GCM1: variants seen among roughly 807,000 people sequenced by gnomAD.
The protein encoded by GCM1 is chorion-specific transcription factor GCMa.
A neutral mutation model predicts 25.7 loss-of-function variants in GCM1; 2 were observed. The observed-to-expected ratio is 0.08, with a 90% CI of 0.03 to 0.24. The LOEUF (loss-of-function observed/expected upper bound fraction) is 0.24, where lower values mean the gene tolerates loss of function less well. Among genes scored for constraint, GCM1 ranks in the 10% least tolerant of loss-of-function variants. The probability of loss-of-function intolerance (pLI) is 1.00; values close to 1 mark genes in which losing one functional copy is unlikely to be tolerated. For missense variants in GCM1, 395 were observed against 538.7 expected (o/e 0.73, Z 2.64); for synonymous variants, 183 against 195.7 (o/e 0.94, Z 0.54).
intron 1 of GCM1, among the ~76,000 whole-genome samples, 154 bp from the exon 2 acceptor site, chr6:53,145,922 TA>T (rs1763948293): frequency 6.6e-6 from 1 of 152,148 alleles, no homozygotes; most frequent in Non-Finnish European, 1.5e-5. Flanking sequence ...TGATTTTACT[TA>T]AAACTTGGCC....
At position 53,129,337 on chromosome 6, in the gene GCM1, C is replaced by T. The variant is rs922332004; in HGVS notation, c.571-391G>A. On this transcript the variant is annotated intron_variant, in intron 5 of 5. Transcript: ENST00000259803. ...CCAGCCAGGCTGGAGCGCAGTGGCA[C>T]GATCTTGGCTCACTGCAACCTCTGC... is the stretch of plus-strand genomic sequence containing the variant. 1.7e-4 allele frequency among the ~76,000 whole-genome samples: 26 copies of T among 151,100 alleles called. No homozygotes were observed. In the East Asian group the frequency reaches 1.7e-3, roughly 10 times the overall value.
chr6:53,138,197 G>A (rs1408948309), intron 2 of GCM1, among the ~76,000 whole-genome samples: 9 of 149,858 alleles, frequency 6.0e-5, no homozygotes, highest in African/African-American at 2.2e-4. Flanking sequence ...CAAAAGAATC[G>A]CTTGAACCTG....
intron 2 of GCM1, among the ~76,000 whole-genome samples, chr6:53,141,753 T>C (rs923136569): frequency 6.7e-6 from 1 of 149,940 alleles, no homozygotes; most frequent in East Asian, 2.0e-4. Context: ...CCTGTGATCC[T>C]AGTATTTTGG....
At chr6:53,136,563 T>C (rs1328103794) in intron 2 of GCM1, among the ~76,000 whole-genome samples, 1 of 152,214 alleles carries the variant, frequency 6.6e-6, no homozygotes, top group Non-Finnish European at 1.5e-5. Flanking sequence ...TTCTACCAGA[T>C]CTGGAACTGC....
chr6:53,130,445 G>A (rs758083017), intron 5 of GCM1, among the ~76,000 whole-genome samples: 4 of 152,134 alleles, frequency 2.6e-5, no homozygotes, highest in Non-Finnish European at 5.9e-5. Flanking sequence ...CAGGAGGGCG[G>A]GGAGGGGGCA....
chr6:53,133,300 G>A (rs904450664), intron 3 of GCM1, among the ~76,000 whole-genome samples: 1 of 151,728 alleles, frequency 6.6e-6, no homozygotes, highest in African/African-American at 2.4e-5. Flanking sequence ...GAGTAGCTGG[G>A]ATTACAGGCA....
At chr6:53,130,424 G>A (rs532247634) in intron 5 of GCM1, among the ~76,000 whole-genome samples, 7 of 152,226 alleles carry the variant, frequency 4.6e-5, no homozygotes, top group African/African-American at 9.6e-5. Context: ...GTTTGGGGAC[G>A]TATGGAAATT....
At chr6:53,148,031 C>T (rs1485666390) in intron 1 of GCM1, among the ~76,000 whole-genome samples, 7 of 152,158 alleles carry the variant, frequency 4.6e-5, no homozygotes, top group Non-Finnish European at 8.8e-5. Flanking sequence ...TTGCAGAGCA[C>T]GAAGTTTCTG....
Position 53,127,243 on chromosome 6 carries a change from G to A in GCM1, c.*963C>T, listed in dbSNP as rs1763653074. 1 of 152,230 alleles carries A rather than the reference G, an allele frequency of 6.6e-6. No individual in the cohort carries two copies. The highest frequency in any genetic ancestry group is 2.1e-4 in the South Asian group (1 of 4,832). The allele number at this position is 152,230 out of a possible 1,614,324, so 9.4% of individuals were successfully genotyped here. The stretch of plus-strand genomic sequence containing the variant: ...GAGGGAAGGAAACAAGAGGCAAGGA[G>A]ACCACGCACATCACTAGTGTTTCTC... On this transcript the variant is annotated 3_prime_UTR_variant, in exon 6 of 6. Coordinates refer to ENST00000259803, the MANE Select transcript of GCM1 (RefSeq NM_003643.4).
chr6:53,138,240 C>T (rs915282172), intron 2 of GCM1, among the ~76,000 whole-genome samples: 1 of 149,834 alleles, frequency 6.7e-6, no homozygotes, highest in African/African-American at 2.5e-5. Flanking sequence ...CGAGATCATG[C>T]CGCTGCACTC....
chr6:53,128,324 TGAG>T lies in GCM1; in HGVS notation c.1190_1192del (p.Pro397del). On this transcript the variant is annotated inframe_deletion, in exon 6 of 6. Transcript: ENST00000259803. ...CTTGCTTGGCAGTGAATATTGCTGA[TGAG>T]GATGAGAGGCGTAGGTGAAGAGAAA... 6.2e-7 allele frequency: 1 copy of T among 1,613,994 alleles called. No individual in the cohort carries two copies. Among genetic ancestry groups the T allele is most frequent in the South Asian group, 1.1e-5 (1 of 91,070 alleles).
Position 53,128,601 on chromosome 6 carries a change from T to G in GCM1, c.916A>C (p.Asn306His), listed in dbSNP as rs775083311. Residue 306 changes from asparagine (N) to histidine (H), a missense_variant, in exon 6 of 6, where the codon AAT becomes CAT. Transcript: ENST00000259803. Reference protein sequence around the residue: ...AWSKNAALGRNHLADNCYSNY... With the variant: ...AWSKNAALGRHHLADNCYSNY... ...GAATAACAGTTGTCAGCAAGATGAT[T>G]TCTCCCCAAAGCAGCATTTTTACTC... The G allele has an allele frequency of 5.0e-6, 8 of 1,614,010 alleles. No individual in the cohort carries two copies. Among genetic ancestry groups the G allele is most frequent in the Non-Finnish European group, 5.9e-6 (7 of 1,180,018 alleles).
intron 1 of GCM1, 127 bp from the exon 2 acceptor site, chr6:53,145,895 A>T: frequency 2.6e-6 from 1 of 390,410 alleles, no homozygotes; most frequent in Non-Finnish European, 4.6e-6. Flanking sequence ...TAAAAAACAA[A>T]ACATAGGAGC....
At position 53,128,683 on chromosome 6, in the gene GCM1, G is replaced by C; in HGVS notation, c.834C>G (p.Asp278Glu). 7 of 1,614,024 alleles carry C rather than the reference G, an allele frequency of 4.3e-6. No individual in the cohort carries two copies. Among genetic ancestry groups the C allele is most frequent in the Non-Finnish European group, 5.9e-6 (7 of 1,179,860 alleles). ...CTCCGGAGGCAGAAGGAGGAAGCAG[G>C]TCTCCACTACTGTAGGTTCTGCTAC... ...LSSSRTYSSG[D>E]LLPPSASGVY... is the part of the protein sequence containing the mutation. The change falls in exon 6 of 6, where the codon GAC (aspartate) becomes GAG (glutamate). Residue 278 changes from aspartate (D) to glutamate (E), a missense_variant. Coordinates refer to ENST00000259803, the MANE Select transcript of GCM1 (RefSeq NM_003643.4).
intron 1 of GCM1, among the ~76,000 whole-genome samples, chr6:53,147,974 C>T (rs1329142026): frequency 1.3e-5 from 2 of 152,172 alleles, no homozygotes; most frequent in Non-Finnish European, 2.9e-5. Context: ...TAATCAGAGT[C>T]TCTTCCTGTC....
intron 1 of GCM1, among the ~76,000 whole-genome samples, 184 bp downstream of exon 1, chr6:53,148,570 C>T (rs973085951): frequency 1.3e-5 from 2 of 152,162 alleles, no homozygotes; most frequent in African/African-American, 2.4e-5. Context: ...CTGTTTTCCT[C>T]TTCTAGGATT....
chr6:53,143,509 C>G (rs1763909855), intron 2 of GCM1, among the ~76,000 whole-genome samples: 1 of 152,192 alleles, frequency 6.6e-6, no homozygotes, highest in Non-Finnish European at 1.5e-5. Context: ...TTCTACATAT[C>G]TGTTTACTTC....
intron 2 of GCM1, among the ~76,000 whole-genome samples, chr6:53,138,050 G>A (rs1763823715): frequency 6.6e-6 from 1 of 152,120 alleles, no homozygotes; most frequent in South Asian, 2.1e-4. Context: ...GGGAGGCCAA[G>A]GTGGGTGGAT....
At chr6:53,138,629 G>A (rs148879661) in intron 2 of GCM1, among the ~76,000 whole-genome samples, 1,924 of 152,222 alleles carry the variant, frequency 0.013, 22 homozygotes, top group East Asian at 0.073. Flanking sequence ...TCCTTTGTTT[G>A]TTTTAATTTC....
Sources: allele counts gnomAD v4.1 joint callset (sites outside exome capture counted in the v4.1 genomes callset), GRCh38; gene constraint gnomAD v4.1.1; transcripts MANE v1.5; gene names NCBI Gene and HGNC (gene_info 2026-07-23, HGNC 2026-07-21).